MAGI2: variants seen among roughly 807,000 people sequenced by gnomAD.
MAGI2 encodes membrane associated guanylate kinase, WW and PDZ domain containing 2.
MAGI2 carries 35 observed loss-of-function variants against 133.3 expected under a neutral mutation model. The ratio of observed to expected loss-of-function variants is 0.26; its 90% CI spans 0.20 to 0.35. The LOEUF (loss-of-function observed/expected upper bound fraction) is 0.35. MAGI2 is among the 10% of genes least tolerant of loss of function. The probability of loss-of-function intolerance (pLI) is 1.00; values close to 1 mark genes in which losing one functional copy is unlikely to be tolerated. For missense variants in MAGI2, 1,636 were observed against 1,863.4 expected (o/e 0.88, Z 2.25); for synonymous variants, 729 against 710.6 (o/e 1.03, Z -0.41).
intron 6 of MAGI2, among the ~76,000 whole-genome samples, chr7:78,426,996 C>T (rs1049901538): frequency 4.6e-5 from 7 of 152,246 alleles, no homozygotes; most frequent in Non-Finnish European, 1.0e-4. Flanking sequence ...AAGTAGAACT[C>T]TACTGTTTCA....
chr7:78,217,596 G>A (rs546031878), intron 10 of MAGI2, among the ~76,000 whole-genome samples: 1 of 152,354 alleles, frequency 6.6e-6, no homozygotes, highest in African/African-American at 2.4e-5. Context: ...ACAGAAGGAA[G>A]TAGAGTTCTG....
intron 1 of MAGI2, among the ~76,000 whole-genome samples, chr7:79,337,635 CT>C (rs1384347662): frequency 6.6e-6 from 1 of 152,072 alleles, no homozygotes; most frequent in African/African-American, 2.4e-5. Context: ...ATTCCTTTAT[CT>C]TAGGTATCTA....
At chr7:78,870,444 A>C (rs1351637624) in intron 2 of MAGI2, among the ~76,000 whole-genome samples, 3 of 152,186 alleles carry the variant, frequency 2.0e-5, no homozygotes, top group African/African-American at 7.2e-5. Flanking sequence ...AATATACAAA[A>C]AAATGCTCAA....
intron 3 of MAGI2, among the ~76,000 whole-genome samples, chr7:78,551,781 G>T (rs1286509063): frequency 2.0e-5 from 3 of 152,164 alleles, no homozygotes; most frequent in Non-Finnish European, 2.9e-5. Flanking sequence ...GTCTTGCTTT[G>T]TTACCCAGGC....
At chr7:78,203,029 A>C (rs1311502609) in intron 10 of MAGI2, among the ~76,000 whole-genome samples, 1 of 152,238 alleles carries the variant, frequency 6.6e-6, no homozygotes, top group African/African-American at 2.4e-5. Flanking sequence ...AACAGATTTT[A>C]ACCTATTGGC....
chr7:78,689,214 TTATC>T (rs1816694884), intron 2 of MAGI2, among the ~76,000 whole-genome samples: 1 of 152,202 alleles, frequency 6.6e-6, no homozygotes, highest in East Asian at 1.9e-4. Context: ...ATGTTTAAAA[TTATC>T]TATCCTATTG....
intron 10 of MAGI2, among the ~76,000 whole-genome samples, chr7:78,223,519 T>C (rs1224346882): frequency 6.6e-5 from 10 of 152,194 alleles, no homozygotes; most frequent in Admixed American, 6.5e-4. Flanking sequence ...TCTGAAACTT[T>C]AAAGAAATAT....
chr7:78,703,072 T>C (rs992002593), intron 2 of MAGI2, among the ~76,000 whole-genome samples: 26 of 151,898 alleles, frequency 1.7e-4, no homozygotes, highest in Non-Finnish European at 3.1e-4. Context: ...TGAAAAGGCA[T>C]GGCCAAAGTT....
chr7:78,725,994 CA>C (rs1030182760), intron 2 of MAGI2, among the ~76,000 whole-genome samples: 4 of 151,330 alleles, frequency 2.6e-5, no homozygotes, highest in Non-Finnish European at 2.9e-5. Context: ...TATAGTTGCT[CA>C]AAAAAAATGT....
At chr7:78,080,732 A>G (rs559569643) in intron 20 of MAGI2, among the ~76,000 whole-genome samples, 135 of 152,330 alleles carry the variant, frequency 8.9e-4, no homozygotes, top group Middle Eastern at 3.4e-3. Flanking sequence ...CAACAGCAGT[A>G]GAAGCAGTAG....
chr7:78,878,935 A>C (rs1795633027), intron 2 of MAGI2, among the ~76,000 whole-genome samples: 1 of 152,136 alleles, frequency 6.6e-6, no homozygotes, highest in Admixed American at 6.5e-5. Context: ...TCACCTGTTC[A>C]TCTGGATCAG....
At chr7:78,794,941 G>A (rs6944661) in intron 2 of MAGI2, among the ~76,000 whole-genome samples, 11,045 of 152,062 alleles carry the variant, frequency 0.073, 434 homozygotes, top group Admixed American at 0.12. Context: ...TGTTTGCCAG[G>A]CTGACCTTGA....
chr7:79,000,423 A>G (rs1806744123), intron 2 of MAGI2: 1 of 152,190 alleles, frequency 6.6e-6, no homozygotes, highest in African/African-American at 2.4e-5. Context: ...TACAACCTTT[A>G]TAGTACTAAT....
chr7:78,220,217 CT>C (rs1179491319), intron 10 of MAGI2, among the ~76,000 whole-genome samples: 1 of 152,182 alleles, frequency 6.6e-6, no homozygotes, highest in Non-Finnish European at 1.5e-5. Flanking sequence ...CCTAGAACTC[CT>C]ACCCCATCCT....
At chr7:79,352,085 G>T (rs1841728444) in intron 1 of MAGI2, among the ~76,000 whole-genome samples, 1 of 152,020 alleles carries the variant, frequency 6.6e-6, no homozygotes, top group African/African-American at 2.4e-5. Context: ...ATAATGGGAA[G>T]AATTCACCTA....
chr7:78,506,577 T>A (rs546644672), intron 4 of MAGI2, among the ~76,000 whole-genome samples: 2 of 152,078 alleles, frequency 1.3e-5, no homozygotes, highest in South Asian at 2.1e-4. Context: ...ATGGAAGCAA[T>A]GAGAAAATTA....
At chr7:78,309,765 T>C (rs773173019) in intron 9 of MAGI2, among the ~76,000 whole-genome samples, 1 of 152,194 alleles carries the variant, frequency 6.6e-6, no homozygotes, top group Non-Finnish European at 1.5e-5. Context: ...TGAGGTCAAG[T>C]TCTGGCTTTC....
At chr7:78,815,287 G>T (rs1033717519) in intron 2 of MAGI2, among the ~76,000 whole-genome samples, 4 of 152,158 alleles carry the variant, frequency 2.6e-5, no homozygotes, top group African/African-American at 9.7e-5. Context: ...TATCTAATGT[G>T]AAAGGATTTT....
At chr7:78,700,272 A>G (rs1035540430) in intron 2 of MAGI2, among the ~76,000 whole-genome samples, 3 of 152,124 alleles carry the variant, frequency 2.0e-5, no homozygotes, top group Admixed American at 2.0e-4. Context: ...TTCCTCTCCA[A>G]TCTGTGTTTG....
Sources: allele counts gnomAD v4.1 joint callset (sites outside exome capture counted in the v4.1 genomes callset), GRCh38; gene constraint gnomAD v4.1.1; transcripts MANE v1.5; gene names NCBI Gene and HGNC (gene_info 2026-07-23, HGNC 2026-07-21).